TARS3: variants seen among roughly 807,000 people sequenced by gnomAD.
TARS3 encodes threonyl-tRNA synthetase 3, also known as threonine--tRNA ligase 2, cytoplasmic.
In TARS3, 94 loss-of-function variants were observed where a neutral mutation model predicts 103.5. The observed-to-expected ratio is 0.91, with a 90% CI of 0.77 to 1.08. The LOEUF (loss-of-function observed/expected upper bound fraction) is 1.08. TARS3 is among the 50% of genes least tolerant of loss of function. The pLI, the probability that TARS3 is intolerant of heterozygous loss-of-function variation, is 0.00. For synonymous variants in TARS3, 416 were observed against 355.4 expected (o/e 1.17, Z -1.92); for missense variants, 952 against 995.2 (o/e 0.96, Z 0.58).
chr15:101,689,575 C>T (rs558984604), intron 10 of TARS3, among the ~76,000 whole-genome samples: 51 of 152,164 alleles, frequency 3.4e-4, no homozygotes, highest in Non-Finnish European at 5.7e-4. Context: ...TGTGAAGACA[C>T]GCAGGGAGAA....
rs528851551 is a variant in TARS3 at position 101,703,750 on chromosome 15, TATC to T, written c.1074+106_1074+108del. The T allele has an allele frequency of 1.6e-3, 1,051 of 672,210 alleles. 1 individual carries two copies. The highest frequency in any genetic ancestry group is 3.2e-3 in the Admixed American group (106 of 32,778). The allele number at this position is 672,210 out of a possible 1,614,324, so 41.6% of individuals were successfully genotyped here. A position where few individuals can be genotyped will look rare whatever the true frequency, so the allele number is the denominator to read the frequency against. ...CAAATAAGAATGAAATATTTTAAAA[TATC>T]ATGATGTTCAGACTACAAAAGATAT... On this transcript the variant is annotated intron_variant, in intron 8 of 18. Coordinates refer to ENST00000335968, the MANE Select transcript of TARS3 (RefSeq NM_152334.3).
At chr15:101,658,197 T>C (rs533518680) in intron 16 of TARS3, among the ~76,000 whole-genome samples, 7 of 151,018 alleles carry the variant, frequency 4.6e-5, no homozygotes, top group South Asian at 4.2e-4. Context: ...CTAACGTCCA[T>C]AGCAGCTTTA....
Position 101,721,169 on chromosome 15 carries a change from C to G in TARS3, c.523G>C (p.Glu175Gln). Residue 175 changes from glutamate to glutamine, a missense_variant, in exon 3 of 19, where the codon GAA becomes CAA. Physicochemically the swap from Glu to Gln is conservative, Grantham distance 29. Around this residue, in one of 2 missense-constraint regions of TARS3, gnomAD observed 412 missense variants for 364.2 expected, o/e 1.13. Transcript: ENST00000335968. Reference sequence around the variant, plus strand: ...TGGTAAGGCGTTGTTTTCCAGACTTCCCCTTGCACTGTTTGCCCATCAGCC... The same window carrying G: ...TGGTAAGGCGTTGTTTTCCAGACTTGCCCTTGCACTGTTTGCCCATCAGCC... ...RVADGQTVQG[E>Q]VWKTTPYQVA... 6.2e-7 allele frequency: 1 copy of G among 1,606,744 alleles called. No homozygotes were observed. Among genetic ancestry groups the G allele is most frequent in the South Asian group, 1.1e-5 (1 of 90,510 alleles).
intron 4 of TARS3, among the ~76,000 whole-genome samples, chr15:101,712,694 T>C (rs1439348767): frequency 1.3e-5 from 2 of 152,256 alleles, no homozygotes; most frequent in African/African-American, 4.8e-5. Context: ...GAATTCATTT[T>C]AGTTTATGGA....
At chr15:101,723,226 G>A in intron 1 of TARS3, 62 bp from the exon 2 acceptor site, 1 of 1,488,490 alleles carries the variant, frequency 6.7e-7, no homozygotes, top group Non-Finnish European at 9.4e-7. Context: ...ATTTTAAGAA[G>A]AGAGTCATGC....
In TARS3 at chr15:101,705,732, A is replaced by G; in HGVS notation, c.946T>C (p.Cys316Arg). 1 of 1,608,972 alleles carries G rather than the reference A, an allele frequency of 6.2e-7. No homozygotes were observed. The highest frequency in any genetic ancestry group is 8.5e-7 in the Non-Finnish European group (1 of 1,176,722). The change falls in exon 7 of 19, where the codon TGC (cysteine) becomes CGC (arginine). Residue 316 changes from cysteine (C) to arginine (R), a missense_variant. By Grantham distance (180) the Cys-to-Arg change is radical (BLOSUM62 -3). Coordinates refer to ENST00000335968, the MANE Select transcript of TARS3 (RefSeq NM_152334.3). ...LEMFKYNKFK[C>R]RILNEKVNTA... ...TTAACTTTCTCATTCAGAATGCGGC[A>G]TTTAAATTTATTGTACTACGAAGAA...
intron 16 of TARS3, 150 bp from the exon 17 acceptor site, chr15:101,658,007 T>G (rs893865755): frequency 1.9e-6 from 1 of 523,604 alleles, no homozygotes; most frequent in Admixed American, 3.7e-5. Flanking sequence ...ATATTAAAGT[T>G]TGAAGGCAGC....
chr15:101,658,337 C>G (rs1450979214), intron 16 of TARS3, among the ~76,000 whole-genome samples: 1 of 134,698 alleles, frequency 7.4e-6, no homozygotes, highest in Non-Finnish European at 1.6e-5. Context: ...AAAAAGGAAC[C>G]AACTAATTTA....
chr15:101,714,739 C>CA (rs1900051139), intron 4 of TARS3, 101 bp downstream of exon 4: 2 of 1,127,734 alleles, frequency 1.8e-6, no homozygotes, highest in Admixed American at 2.8e-5. Context: ...TAGAAACCCC[C>CA]AAAAAACTCA....
rs141355923 is a variant in TARS3, at chr15:101,654,399, C to T, written c.*183G>A. ...TCCCACGTGCCCTCTAAACGTCCCC[C>T]GTGGACATGAGTAAATTAAACTTCG... On this transcript the variant is annotated 3_prime_UTR_variant, in exon 19 of 19. Coordinates refer to ENST00000335968, the MANE Select transcript of TARS3 (RefSeq NM_152334.3). The T allele has an allele frequency of 1.7e-5, 10 of 589,142 alleles. No homozygotes were observed. Among genetic ancestry groups the T allele is most frequent in the African/African-American group, 7.7e-5 (4 of 52,178 alleles). 36.5% of individuals were successfully genotyped at this position (589,142 alleles called of 1,614,324 possible).
chr15:101,683,366 T>A (rs78748269), intron 12 of TARS3, among the ~76,000 whole-genome samples: 2,025 of 152,358 alleles, frequency 0.013, 41 homozygotes, highest in African/African-American at 0.045. Context: ...TCTATTGTGG[T>A]CAGTTAGGAT....
At chr15:101,661,231 C>T (rs1427469900) in intron 16 of TARS3, among the ~76,000 whole-genome samples, 1 of 151,800 alleles carries the variant, frequency 6.6e-6, no homozygotes, top group African/African-American at 2.4e-5. Flanking sequence ...GCTGCTGAGC[C>T]ATCCTCTTTG....
chr15:101,683,934 A>G (rs1898357236), intron 12 of TARS3, 141 bp downstream of exon 12: 1 of 646,616 alleles, frequency 1.5e-6, no homozygotes, highest in Non-Finnish European at 2.3e-6. Context: ...AATTTAGAGA[A>G]TCACAGCAGG....
At chr15:101,723,228 G>A (rs1900580978) in intron 1 of TARS3, 64 bp from the exon 2 acceptor site, 2 of 1,478,700 alleles carry the variant, frequency 1.4e-6, no homozygotes, top group African/African-American at 1.4e-5. Context: ...TTTAAGAAGA[G>A]AGTCATGCCA....
chr15:101,698,326 C>G (rs1442215450), intron 10 of TARS3, among the ~76,000 whole-genome samples: 1 of 151,760 alleles, frequency 6.6e-6, no homozygotes, highest in East Asian at 1.9e-4. Context: ...CAGCGAGACT[C>G]TGTCTCAAAG....
Position 101,705,747 on chromosome 15 carries a change from A to C in TARS3, c.931T>G (p.Tyr311Asp). The C allele has an allele frequency of 1.2e-6, 2 of 1,602,186 alleles. No individual in the cohort carries two copies. The highest frequency in any genetic ancestry group is 1.7e-6 in the Non-Finnish European group (2 of 1,171,666). The change falls in exon 7 of 19, where the codon TAC becomes GAC. Residue 311 changes from tyrosine (Y) to aspartate (D), a missense_variant and splice_region_variant. Tyr to Asp is a radical substitution (Grantham distance 160). This residue lies in a region of TARS3 where 540 missense variants were observed against 631.0 expected (regional missense o/e 0.86). Transcript: ENST00000335968. ...SKEILLEMFK[Y>D]NKFKCRILNE... ...AGAATGCGGCATTTAAATTTATTGT[A>C]CTACGAAGAAAAACATATTTACACA...
rs564140810 is a variant in TARS3 at position 101,721,194 on chromosome 15, C to T, written c.498G>A (p.Val166=). 2.5e-5 allele frequency: 40 copies of T among 1,612,558 alleles called. 1 individual carries two copies. In the South Asian group the frequency reaches 4.4e-4, roughly 18 times the overall value. ...CCCCTTGCACTGTTTGCCCATCAGC[C>T]ACTCTTACTGTGATGATGTTGCTTG... is the stretch of plus-strand genomic sequence containing the variant. ...GDTSNIITVR[V]ADGQTVQGEV... Residue 166 remains valine (V), a synonymous_variant, in exon 3 of 19, where the codon GTG becomes GTA. Transcript: ENST00000335968.
At chr15:101,669,442 TA>T (rs1327257866) in intron 15 of TARS3, among the ~76,000 whole-genome samples, 10 of 152,238 alleles carry the variant, frequency 6.6e-5, no homozygotes, top group African/African-American at 2.4e-4. Context: ...AAATTTAGTG[TA>T]GCCTAAATGT....
Position 101,708,805 on chromosome 15 carries a change from CAGG to C in TARS3, c.915_917del (p.Leu306del). On this transcript the variant is annotated inframe_deletion, in exon 6 of 19. Transcript: ENST00000335968. ...TTCCCCAAGTTACCTTAAACATTTC[CAGG>C]AGGATTTCCTTGCTGACTTCTAGTC... 6.2e-7 allele frequency: 1 copy of C among 1,610,564 alleles called. No homozygotes were observed. The highest frequency in any genetic ancestry group is 8.5e-7 in the Non-Finnish European group (1 of 1,176,858).
Sources: gnomAD v4.1 joint callset for allele counts (sites outside exome capture counted in the v4.1 genomes callset) on GRCh38, gnomAD v4.1.1 for gene constraint, gnomAD v4.1.1 regional missense constraint, MANE v1.5 for transcripts, NCBI Gene and HGNC (gene_info 2026-07-23, HGNC 2026-07-21) for gene names.